The following AK9 variants were observed in gnomAD, a reference collection of about 807,000 sequenced individuals.
AK9 encodes adenylate kinase domain containing 1.
AK9 carries 191 observed loss-of-function variants against 239.6 expected under a neutral mutation model. That is an observed-to-expected ratio of 0.80 (90% CI 0.71 to 0.90). The LOEUF is 0.90. AK9 is among the 40% of genes least tolerant of loss of function. AK9 has a pLI of 0.00. For missense variants in AK9, 1,995 were observed against 2,214.7 expected (o/e 0.90, Z 1.99); for synonymous variants, 689 against 721.0 (o/e 0.96, Z 0.71).
intron 12 of AK9, among the ~76,000 whole-genome samples, chr6:109,619,663 C>T (rs541104328): frequency 1.5e-4 from 23 of 151,780 alleles, no homozygotes; most frequent in Non-Finnish European, 2.8e-4. Flanking sequence ...GAACATTTGC[C>T]GGGTGTGGTG....
intron 12 of AK9, among the ~76,000 whole-genome samples, chr6:109,622,450 A>G (rs1209117815): frequency 7.0e-6 from 1 of 142,758 alleles, no homozygotes; most frequent in Non-Finnish European, 1.5e-5. Flanking sequence ...TTATACATCA[A>G]TGTATAATAT....
chr6:109,606,660 C>T (rs1456896237), intron 17 of AK9, among the ~76,000 whole-genome samples: 1 of 152,174 alleles, frequency 6.6e-6, no homozygotes. Flanking sequence ...TTCATATAGC[C>T]AGTGTAACAG....
intron 18 of AK9, among the ~76,000 whole-genome samples, chr6:109,585,574 C>G (rs1389558905): frequency 6.6e-6 from 1 of 152,084 alleles, no homozygotes; most frequent in Non-Finnish European, 1.5e-5. Flanking sequence ...CCTCATTTTT[C>G]CTACTTGAGG....
chr6:109,640,893 A>C (rs576185584), intron 10 of AK9, among the ~76,000 whole-genome samples: 19 of 152,246 alleles, frequency 1.2e-4, no homozygotes, highest in Middle Eastern at 3.4e-3. Flanking sequence ...TGGTTGAATT[A>C]TTAAAGAAAT....
intron 20 of AK9, among the ~76,000 whole-genome samples, chr6:109,574,906 T>C (rs918589681): frequency 3.3e-5 from 5 of 152,188 alleles, no homozygotes; most frequent in African/African-American, 4.8e-5. Flanking sequence ...ATCATTCTTA[T>C]GCCTTTGTGC....
At chr6:109,552,074 G>T (rs6938741) in intron 24 of AK9, among the ~76,000 whole-genome samples, 108,633 of 151,982 alleles carry the variant, frequency 0.71, 39,317 homozygotes, top group East Asian at 0.99. Flanking sequence ...TATGGCTGCA[G>T]AGCATCCCAT....
chr6:109,644,562 T>A (rs754135997), intron 9 of AK9, 52 bp downstream of exon 9: 2 of 1,454,628 alleles, frequency 1.4e-6, no homozygotes, highest in Non-Finnish European at 1.9e-6. Flanking sequence ...ATACTGTCAA[T>A]AGATTTAAAT....
intron 17 of AK9, among the ~76,000 whole-genome samples, chr6:109,598,353 T>A (rs9480982): frequency 0.58 from 88,447 of 151,758 alleles, 27,440 homozygotes; most frequent in South Asian, 0.84. Flanking sequence ...AATAGTTTGC[T>A]AAGAATGATG....
rs555688957 is a variant in AK9, at chr6:109,650,606, A to T, written c.760-5918T>A. Among the ~76,000 whole-genome samples the T allele has an allele frequency of 1.6e-3, 251 of 152,290 alleles. 4 individuals are homozygous for T. The highest frequency in any genetic ancestry group is 6.8e-3 in the Middle Eastern group (2 of 294). On this transcript the variant is annotated intron_variant, in intron 8 of 40. Transcript: ENST00000424296. ...ACAGGTGATGGAGAGGATGTGGAGA[A>T]ATAGGAACACTTTTACACTGTTGGT...
chr6:109,617,403 CAA>C (rs2128245556), intron 13 of AK9, among the ~76,000 whole-genome samples: 1 of 151,806 alleles, frequency 6.6e-6, no homozygotes, highest in East Asian at 1.9e-4. Context: ...TATATTATCA[CAA>C]GAGTAAAAAT....
chr6:109,638,811 C>T (rs1252920325), intron 10 of AK9, among the ~76,000 whole-genome samples: 1 of 152,140 alleles, frequency 6.6e-6, no homozygotes, highest in African/African-American at 2.4e-5. Flanking sequence ...AGATCCCCAC[C>T]CCACGACAGG....
In AK9 at chr6:109,550,243, C is replaced by G; in HGVS notation, c.2811G>C (p.Pro937=). The G allele has an allele frequency of 6.2e-7, 1 of 1,613,086 alleles. No homozygotes were observed. The highest frequency in any genetic ancestry group is 8.5e-7 in the Non-Finnish European group (1 of 1,179,988). ...GGATGAAGTTTTCTTTGAGGACCAC[C>G]GGACAAAAGTGTTTTGTGTCTCCCA... ...RHLGDTKHFC[P]VVLKENFILQ... is the part of the protein sequence containing the mutation. Residue 937 remains proline (P), a synonymous_variant, in exon 25 of 41, where the codon CCG becomes CCC. Transcript: ENST00000424296.
chr6:109,636,076 C>T (rs1796673746), intron 10 of AK9, among the ~76,000 whole-genome samples: 1 of 152,152 alleles, frequency 6.6e-6, no homozygotes, highest in Admixed American at 6.5e-5. Flanking sequence ...AGTCACAGGT[C>T]TGATAGGCTG....
Position 109,644,452 on chromosome 6 carries a change from T to C in AK9, c.834+162A>G, listed in dbSNP as rs540012196. On this transcript the variant is annotated intron_variant, in intron 9 of 40. Transcript: ENST00000424296. ...TAGTTTTGATTTTAAAATGGACAGATGAATAAACAGAACATCAAAATTTTA... is the reference window on the plus strand; with the variant it reads ...TAGTTTTGATTTTAAAATGGACAGACGAATAAACAGAACATCAAAATTTTA... The C allele has an allele frequency of 3.5e-5, 18 of 517,946 alleles. No individual in the cohort carries two copies. The South Asian group carries it at 8.3e-4, about 24-fold the overall frequency. The allele number at this position is 517,946 out of a possible 1,614,324, so 32.1% of individuals were successfully genotyped here.
At chr6:109,529,936 C>T (rs1781011643) in intron 28 of AK9, among the ~76,000 whole-genome samples, 1 of 152,170 alleles carries the variant, frequency 6.6e-6, no homozygotes, top group Admixed American at 6.5e-5. Context: ...AGGCCACAGA[C>T]TGGTATCCAT....
chr6:109,507,298 T>G (rs1778210473), intron 33 of AK9, among the ~76,000 whole-genome samples: 1 of 151,978 alleles, frequency 6.6e-6, no homozygotes, highest in Admixed American at 6.6e-5. Flanking sequence ...TGGTACATAT[T>G]AGATGCTCAA....
chr6:109,631,013 C>G (rs893934179), intron 12 of AK9, among the ~76,000 whole-genome samples: 8 of 152,092 alleles, frequency 5.3e-5, no homozygotes, highest in African/African-American at 1.7e-4. Flanking sequence ...AAAACTTACC[C>G]TGTCCTTCAC....
chr6:109,515,108 T>C (rs1779143387), intron 31 of AK9, among the ~76,000 whole-genome samples: 1 of 152,196 alleles, frequency 6.6e-6, no homozygotes, highest in Admixed American at 6.5e-5. Flanking sequence ...ACTTTTAGCC[T>C]TTAGAACTGT....
intron 27 of AK9, among the ~76,000 whole-genome samples, chr6:109,534,328 TAGAG>T (rs1394642574): frequency 6.7e-6 from 1 of 150,210 alleles, no homozygotes; most frequent in Non-Finnish European, 1.5e-5. Context: ...TTATTTTAAT[TAGAG>T]AGCACTTATA....
Sources: allele counts gnomAD v4.1 joint callset (sites outside exome capture counted in the v4.1 genomes callset), GRCh38; gene constraint gnomAD v4.1.1; transcripts MANE v1.5; gene names NCBI Gene and HGNC (gene_info 2026-07-23, HGNC 2026-07-21).